Variants in GRXCR2 observed in about 807,000 individuals in gnomAD.
GRXCR2 encodes glutaredoxin domain-containing cysteine-rich protein 2.
A neutral mutation model predicts 24.8 loss-of-function variants in GRXCR2; 23 were observed. That is an observed-to-expected ratio of 0.93 (90% CI 0.67 to 1.32). The LOEUF (loss-of-function observed/expected upper bound fraction) is 1.32. Among genes scored for constraint, GRXCR2 ranks in the 40% most tolerant of loss-of-function variants. GRXCR2 has a pLI of 0.00. For missense variants in GRXCR2, 315 were observed against 303.4 expected (o/e 1.04, Z -0.28); for synonymous variants, 130 against 116.1 (o/e 1.12, Z -0.77).
chr5:145,866,920 T>C (rs1240615729), intron 1 of GRXCR2, among the ~76,000 whole-genome samples, 192 bp from the exon 2 acceptor site: 2 of 152,144 alleles, frequency 1.3e-5, no homozygotes, highest in Non-Finnish European at 2.9e-5. Flanking sequence ...TGAAAGCCAG[T>C]TTCCTTCTTC....
At chr5:145,917,352 C>A (rs2149927460) in intron 2 of GRXCR2, among the ~76,000 whole-genome samples, 1 of 152,204 alleles carries the variant, frequency 6.6e-6, no homozygotes, top group East Asian at 1.9e-4. Context: ...GGTCTCCCCA[C>A]AGTTGGAGAT....
chr5:145,914,303 G>T (rs1757205310), intron 2 of GRXCR2, among the ~76,000 whole-genome samples: 1 of 151,966 alleles, frequency 6.6e-6, no homozygotes, highest in African/African-American at 2.4e-5. Flanking sequence ...ATTTCACTTG[G>T]TCTAAGTTGG....
chr5:145,883,571 C>A (rs1756735219), intron 2 of GRXCR2, among the ~76,000 whole-genome samples: 1 of 152,092 alleles, frequency 6.6e-6, no homozygotes. Context: ...TTGTACCCAG[C>A]TGCAAAAAAA....
chr5:145,912,105 G>A (rs538769522), intron 2 of GRXCR2, among the ~76,000 whole-genome samples: 137 of 152,196 alleles, frequency 9.0e-4, no homozygotes, highest in African/African-American at 3.2e-3. Context: ...TCAAAAATAG[G>A]GTGTCACCTG....
chr5:145,904,238 A>G lies in GRXCR2; in HGVS notation c.-70+31463T>C, dbSNP rs1757061625. ...GAAACACACAAATGTTCACACACGT[A>G]CATCCTCACACCCCACCTCCACCCT... On this transcript the variant is annotated intron_variant, in intron 2 of 3. Coordinates refer to the GRXCR2 transcript ENST00000639411. Among the ~76,000 whole-genome samples, 7 of 152,152 alleles carry G rather than the reference A, an allele frequency of 4.6e-5. No individual in the cohort carries two copies. In the South Asian group the frequency reaches 1.4e-3, roughly 32 times the overall value.
chr5:145,914,675 CAAAAAAAAAAA>C (rs34955541), intron 2 of GRXCR2, among the ~76,000 whole-genome samples: 7 of 55,226 alleles, frequency 1.3e-4, no homozygotes, highest in Non-Finnish European at 2.2e-4. Context: ...GACTCCATCT[CAAAAAAAAAAA>C]AAAAAAAAAA....
At position 145,926,176 on chromosome 5, in the gene GRXCR2, AAGG is replaced by A. The variant is rs1757392495; in HGVS notation, c.-70+9522_-70+9524del. ...GATTTATCACTTACTTTTCTTTAGT[AAGG>A]CACAGTATCTGTCATGGATTAACGT... On this transcript the variant is annotated intron_variant, in intron 2 of 3. Transcript: ENST00000639411. Among the ~76,000 whole-genome samples the A allele has an allele frequency of 2.0e-5, 3 of 152,268 alleles. 1 individual carries two copies. Among genetic ancestry groups the A allele is most frequent in the African/African-American group, 7.2e-5 (3 of 41,580 alleles).
intron 2 of GRXCR2, among the ~76,000 whole-genome samples, chr5:145,894,097 C>T (rs1756911900): frequency 6.6e-6 from 1 of 152,026 alleles, no homozygotes; most frequent in Non-Finnish European, 1.5e-5. Context: ...AGAACAAAGA[C>T]ACAACATACC....
At chr5:145,896,812 C>G (rs1449221700) in intron 2 of GRXCR2, among the ~76,000 whole-genome samples, 1 of 152,098 alleles carries the variant, frequency 6.6e-6, no homozygotes, top group African/African-American at 2.4e-5. Context: ...ATGAATCATG[C>G]TGCTATAAAG....
intron 2 of GRXCR2, among the ~76,000 whole-genome samples, chr5:145,913,771 C>T (rs927805681): frequency 6.6e-6 from 1 of 152,108 alleles, no homozygotes; most frequent in Admixed American, 6.6e-5. Context: ...GATCCGTCTG[C>T]TTCAGCTTCC....
chr5:145,894,134 G>C (rs2149920186), intron 2 of GRXCR2, among the ~76,000 whole-genome samples: 1 of 152,256 alleles, frequency 6.6e-6, no homozygotes, highest in South Asian at 2.1e-4. Context: ...ATTCAAAGCA[G>C]TGTGTGGAGG....
chr5:145,874,657 G>A (rs571642760), upstream of GRXCR2, among the ~76,000 whole-genome samples: 29 of 152,308 alleles, frequency 1.9e-4, no homozygotes, highest in African/African-American at 6.3e-4. Context: ...TGATGTGAGA[G>A]CAATAGTCCA....
chr5:145,881,366 A>T (rs1041875453), intron 2 of GRXCR2, among the ~76,000 whole-genome samples: 1 of 152,254 alleles, frequency 6.6e-6, no homozygotes, highest in Non-Finnish European at 1.5e-5. Flanking sequence ...AAAAATCACA[A>T]GCATTCTTAT....
chr5:145,884,470 T>C (rs569239303), intron 2 of GRXCR2, among the ~76,000 whole-genome samples: 144 of 152,272 alleles, frequency 9.5e-4, no homozygotes, highest in Non-Finnish European at 1.5e-3. Context: ...CAAGATAATG[T>C]TATGTAATTA....
At chr5:145,858,301 G>T (rs182433964), downstream of GRXCR2, among the ~76,000 whole-genome samples, 307 of 129,196 alleles carry the variant, frequency 2.4e-3, 3 homozygotes, top group African/African-American at 8.7e-3. Context: ...GCAACAGAGC[G>T]GACTCTGTCT....
At chr5:145,917,905 A>G (rs1308985761) in intron 2 of GRXCR2, among the ~76,000 whole-genome samples, 1 of 152,088 alleles carries the variant, frequency 6.6e-6, no homozygotes, top group Non-Finnish European at 1.5e-5. Flanking sequence ...TCAGCCTCCC[A>G]AGTAGCTGGG....
At chr5:145,926,256 T>G (rs1020423861) in intron 2 of GRXCR2, among the ~76,000 whole-genome samples, 1 of 152,144 alleles carries the variant, frequency 6.6e-6, no homozygotes, top group Non-Finnish European at 1.5e-5. Context: ...TTAATGGCTA[T>G]CTTATCAACT....
In GRXCR2 at chr5:145,859,923, A is replaced by T; in HGVS notation, c.565-8T>A. 6.4e-7 allele frequency: 1 copy of T among 1,559,492 alleles called. No individual in the cohort carries two copies. The highest frequency in any genetic ancestry group is 1.2e-5 in the South Asian group (1 of 81,448). On this transcript the variant is annotated splice_polypyrimidine_tract_variant and splice_region_variant and intron_variant, in intron 2 of 2. Transcript: ENST00000377976. ...CTCGGGAATATCCCCTTCCTGCAAGAGACAGGTTAGGGTTTAGTTAAAGCA... is the reference window on the plus strand; with the variant it reads ...CTCGGGAATATCCCCTTCCTGCAAGTGACAGGTTAGGGTTTAGTTAAAGCA...
intron 2 of GRXCR2, among the ~76,000 whole-genome samples, chr5:145,889,658 T>C (rs1756833559): frequency 6.6e-6 from 1 of 152,176 alleles, no homozygotes; most frequent in South Asian, 2.1e-4. Flanking sequence ...TCTGCCACCA[T>C]GAAAAATCTG....
Sources: gnomAD v4.1 joint callset for allele counts (sites outside exome capture counted in the v4.1 genomes callset) on GRCh38, gnomAD v4.1.1 for gene constraint, MANE v1.5 for transcripts, NCBI Gene and HGNC (gene_info 2026-07-23, HGNC 2026-07-21) for gene names.